The following EML5 variants were observed in gnomAD, a reference collection of about 807,000 sequenced individuals.
EML5 encodes the protein EMAP like 5, also known as echinoderm microtubule-associated protein-like 5.
EML5 carries 120 observed loss-of-function variants against 250.0 expected under a neutral mutation model. The ratio of observed to expected loss-of-function variants is 0.48; its 90% confidence interval spans 0.41 to 0.56. The LOEUF is 0.56. Ranked by LOEUF, EML5 falls within the 20% of genes least tolerant of loss-of-function variation. The pLI is 0.00. For synonymous variants in EML5, 771 were observed against 806.5 expected (o/e 0.96, Z 0.75); for missense variants, 2,006 against 2,437.6 (o/e 0.82, Z 3.73).
At chr14:88,642,329 T>C (rs1173159420) in intron 31 of EML5, among the ~76,000 whole-genome samples, 1 of 152,202 alleles carries the variant, frequency 6.6e-6, no homozygotes, top group Non-Finnish European at 1.5e-5. Flanking sequence ...TATTTGCTCT[T>C]GAATAATCCA....
intron 22 of EML5, among the ~76,000 whole-genome samples, 152 bp from the exon 23 acceptor site, chr14:88,664,776 A>T (rs1459276990): frequency 3.9e-5 from 6 of 152,228 alleles, no homozygotes; most frequent in Non-Finnish European, 7.3e-5. Flanking sequence ...ACAAATGATA[A>T]CATTTTTCAA....
At chr14:88,626,558 A>G (rs558659003) in intron 35 of EML5, 72 of 369,012 alleles carry the variant, frequency 2.0e-4, no homozygotes, top group Middle Eastern at 8.2e-4. Context: ...TGGAGGCTAC[A>G]GTGAGCTATA....
Position 88,667,337 on chromosome 14 carries a change from T to C in EML5, c.3125-1848A>G, listed in dbSNP as rs74631832. 2.9e-3 allele frequency among the ~76,000 whole-genome samples: 439 copies of C among 152,314 alleles called. 3 individuals are homozygous for C. The highest frequency in any genetic ancestry group is 9.6e-3 in the African/African-American group (400 of 41,582). Reference sequence around the variant, plus strand: ...TTGTTGGAGGTTAACTTTACAATTTTGTGTTAAAAGAATATTCCTTGTGTT... The same window carrying C: ...TTGTTGGAGGTTAACTTTACAATTTCGTGTTAAAAGAATATTCCTTGTGTT... On this transcript the variant is annotated intron_variant, in intron 21 of 43. Coordinates refer to ENST00000554922, the MANE Select transcript of EML5 (RefSeq NM_183387.3).
At chr14:88,776,842 C>T (rs565719897) in intron 1 of EML5, among the ~76,000 whole-genome samples, 1 of 152,182 alleles carries the variant, frequency 6.6e-6, no homozygotes, top group Non-Finnish European at 1.5e-5. Flanking sequence ...GATTATACTG[C>T]TGCACTCCAG....
intron 7 of EML5, among the ~76,000 whole-genome samples, chr14:88,728,233 T>C (rs1354020909): frequency 6.6e-6 from 1 of 151,834 alleles, no homozygotes; most frequent in Non-Finnish European, 1.5e-5. Flanking sequence ...CTAAACAATA[T>C]AGTATAACAA....
chr14:88,644,395 A>T (rs781110372), intron 30 of EML5, 38 bp downstream of exon 30: 2 of 1,590,412 alleles, frequency 1.3e-6, no homozygotes, highest in South Asian at 2.2e-5. Context: ...AGAACTCTGG[A>T]TACATTTCAG....
In EML5 at chr14:88,612,978, C is replaced by CT. The variant is rs923335212; in HGVS notation, c.*2839dup. On this transcript the variant is annotated 3_prime_UTR_variant, in exon 44 of 44. Coordinates refer to ENST00000554922, the MANE Select transcript of EML5 (RefSeq NM_183387.3). ...ACATTCTCAGGACCAAATTAAACTGCTAAAAAAAAAAAAAAAGTTCATTGA... is the reference window on the plus strand; with the variant it reads ...ACATTCTCAGGACCAAATTAAACTGCTTAAAAAAAAAAAAAAAGTTCATTGA... The CT allele has an allele frequency of 4.4e-5, 5 of 113,590 alleles. No homozygotes were observed. Among genetic ancestry groups the CT allele is most frequent in the African/African-American group, 1.6e-4 (5 of 30,928 alleles). 7.0% of individuals were successfully genotyped at this position (113,590 alleles called of 1,614,324 possible). A position where few individuals can be genotyped will look rare whatever the true frequency, so the allele number is the denominator to read the frequency against.
rs942580956 is a variant in EML5 at position 88,615,748 on chromosome 14, G to T, written c.*70C>A. On this transcript the variant is annotated 3_prime_UTR_variant, in exon 44 of 44. Coordinates refer to ENST00000554922, the MANE Select transcript of EML5 (RefSeq NM_183387.3). ...GGTTAGCACCACTTGACCATGCAGG[G>T]TTGGGTTTTGGTTTTTCTTCTCTGT... The T allele has an allele frequency of 8.8e-6, 13 of 1,483,834 alleles. No individual in the cohort carries two copies. In the African/African-American group the frequency reaches 1.3e-4, roughly 14 times the overall value. The allele number at this position is 1,483,834 out of a possible 1,614,324, so 91.9% of individuals were successfully genotyped here.
At chr14:88,696,453 CTCTT>C (rs1482796674) in intron 15 of EML5, among the ~76,000 whole-genome samples, 1 of 152,112 alleles carries the variant, frequency 6.6e-6, no homozygotes, top group African/African-American at 2.4e-5. Flanking sequence ...CAATTCTCAA[CTCTT>C]TCTTTGCTAG....
At position 88,621,149 on chromosome 14, in the gene EML5, T is replaced by C. The variant is rs779402621; in HGVS notation, c.5166A>G (p.Glu1722=). ...TATCCCAAAGTCTCACTGTCCCATC[T>C]TCTGCAGCAGAAAGGAAAAAATCCC... ...PSRDFFLSAA[E]DGTVRLWDIA... The change falls in exon 38 of 44, where the codon GAA becomes GAG. Residue 1722 remains glutamate, a synonymous_variant. Coordinates refer to ENST00000554922, the MANE Select transcript of EML5 (RefSeq NM_183387.3). The C allele has an allele frequency of 9.9e-6, 16 of 1,613,842 alleles. No individual in the cohort carries two copies. Among genetic ancestry groups the C allele is most frequent in the Non-Finnish European group, 2.5e-6 (3 of 1,179,878 alleles).
intron 18 of EML5, among the ~76,000 whole-genome samples, chr14:88,687,951 G>A (rs2092874651): frequency 6.6e-6 from 1 of 152,080 alleles, no homozygotes; most frequent in Non-Finnish European, 1.5e-5. Context: ...CTTGCCTGTA[G>A]TCACAGCTAC....
At chr14:88,729,870 G>GTTT (rs71130010) in intron 7 of EML5, among the ~76,000 whole-genome samples, 7 of 101,114 alleles carry the variant, frequency 6.9e-5, no homozygotes, top group African/African-American at 2.3e-4. Context: ...CTTGTTTTTT[G>GTTT]TTTTTTTTTT....
chr14:88,792,659 GCCGCCGCCT>G lies in EML5; in HGVS notation c.-165_-157del. Reference sequence around the variant, plus strand: ...TCAGGTGCATCTCGTTTCGGGGGCCGCCGCCGCCTCAGCCCACAGGCGGGAGGAAAACCC... The same window carrying G: ...TCAGGTGCATCTCGTTTCGGGGGCCGCAGCCCACAGGCGGGAGGAAAACCC... On this transcript the variant is annotated 5_prime_UTR_variant, in exon 1 of 44. An upstream open reading frame in the 5' UTR loses its in-frame stop. Coordinates refer to ENST00000554922, the MANE Select transcript of EML5 (RefSeq NM_183387.3). The surrounding 1 kb of genome is among the most constrained non-coding windows in gnomAD (Gnocchi z 6.9). 8 of 1,144,864 alleles carry G rather than the reference GCCGCCGCCT, an allele frequency of 7.0e-6. No individual in the cohort carries two copies. Among genetic ancestry groups the G allele is most frequent in the Non-Finnish European group, 8.6e-6 (8 of 933,646 alleles). 70.9% of individuals were successfully genotyped at this position (1,144,864 alleles called of 1,614,324 possible).
At chr14:88,657,553 A>G in intron 26 of EML5, 51 bp from the exon 27 acceptor site, 2 of 1,482,036 alleles carry the variant, frequency 1.3e-6, no homozygotes, top group South Asian at 2.7e-5. Flanking sequence ...GAGATCAATT[A>G]TGATCTTATA....
chr14:88,683,626 A>T (rs2092763012), intron 20 of EML5, among the ~76,000 whole-genome samples: 1 of 152,236 alleles, frequency 6.6e-6, no homozygotes, highest in African/African-American at 2.4e-5. Context: ...AAAACATTAC[A>T]TATCACAACC....
At chr14:88,643,093 C>G (rs778218187) in intron 30 of EML5, 71 bp from the exon 31 acceptor site, 7 of 1,388,752 alleles carry the variant, frequency 5.0e-6, no homozygotes, top group Non-Finnish European at 6.7e-6. Context: ...TTGTTGTATA[C>G]GTAATACTAG....
intron 19 of EML5, among the ~76,000 whole-genome samples, chr14:88,686,514 C>A (rs1325654665): frequency 3.3e-5 from 5 of 151,838 alleles, no homozygotes; most frequent in Non-Finnish European, 5.9e-5. Flanking sequence ...TGCACCCTTC[C>A]TCCTCTTCAA....
intron 27 of EML5, among the ~76,000 whole-genome samples, chr14:88,654,516 T>C (rs1247385316): frequency 1.3e-5 from 2 of 152,214 alleles, no homozygotes; most frequent in Non-Finnish European, 2.9e-5. Flanking sequence ...CTTATTTATT[T>C]CTGCCTTAAT....
At position 88,662,339 on chromosome 14, in the gene EML5, GTTTTTTT is replaced by G. The variant is rs71127000; in HGVS notation, c.3499-516_3499-510del. Among the ~76,000 whole-genome samples the G allele has an allele frequency of 2.6e-3, 147 of 55,658 alleles. 2 individuals are homozygous for G. Among genetic ancestry groups the G allele is most frequent in the African/African-American group, 8.9e-3 (139 of 15,664 alleles). The allele number at this position is 55,658 out of a possible 152,430, so 36.5% of individuals were successfully genotyped here. A position where few individuals can be genotyped will look rare whatever the true frequency, so the allele number is the denominator to read the frequency against. On this transcript the variant is annotated intron_variant, in intron 24 of 43. Coordinates refer to ENST00000554922, the MANE Select transcript of EML5 (RefSeq NM_183387.3). ...CACAAAATGCAACACAATTTTTCTT[GTTTTTTT>G]TTTTTTTTTTTTTTTTTTTTAAAGA...
Sources: allele counts gnomAD v4.1 joint callset (sites outside exome capture counted in the v4.1 genomes callset), GRCh38; gene constraint gnomAD v4.1.1; non-coding constraint Gnocchi (gnomAD v3.1); transcripts MANE v1.5; gene names NCBI Gene and HGNC (gene_info 2026-07-23, HGNC 2026-07-21).